The following CDIN1 variants were observed in gnomAD, a reference collection of about 807,000 sequenced individuals.
CDIN1 encodes CDAN1-interacting nuclease 1.
CDIN1 carries 33 observed loss-of-function variants against 45.3 expected under a neutral mutation model. That is an observed-to-expected ratio of 0.73 (90% CI 0.55 to 0.97). The LOEUF (loss-of-function observed/expected upper bound fraction) is 0.97. CDIN1 is among the 50% of genes least tolerant of loss of function. The probability of loss-of-function intolerance (pLI) is 0.00; values close to 1 mark genes in which losing one functional copy is unlikely to be tolerated. For missense variants in CDIN1, 303 were observed against 339.4 expected (o/e 0.89, Z 0.84); for synonymous variants, 118 against 124.4 (o/e 0.95, Z 0.34).
chr15:36,656,596 TG>T (rs2040792627), intron 4 of CDIN1, among the ~76,000 whole-genome samples: 2 of 152,112 alleles, frequency 1.3e-5, no homozygotes, highest in South Asian at 2.1e-4. Flanking sequence ...CAGAGAAAGA[TG>T]GACACATGAT....
At chr15:36,703,532 G>T (rs879276047) in intron 8 of CDIN1, among the ~76,000 whole-genome samples, 2 of 151,108 alleles carry the variant, frequency 1.3e-5, no homozygotes, top group African/African-American at 4.9e-5. Flanking sequence ...GTGAGAGTAG[G>T]GTAGCAATGC....
At chr15:36,755,941 A>C in intron 10 of CDIN1, 1 of 399,814 alleles carries the variant, frequency 2.5e-6, no homozygotes, top group South Asian at 1.9e-5. Flanking sequence ...GTGTTAAAAC[A>C]GGTTCATTCC....
intron 3 of CDIN1, among the ~76,000 whole-genome samples, chr15:36,649,288 C>T (rs1413400225): frequency 2.0e-5 from 3 of 152,156 alleles, no homozygotes; most frequent in African/African-American, 7.2e-5. Context: ...TACACAAAAA[C>T]AAATGAATGA....
At chr15:36,806,040 GA>G (rs2055216033) in intron 10 of CDIN1, among the ~76,000 whole-genome samples, 1 of 152,184 alleles carries the variant, frequency 6.6e-6, no homozygotes, top group Non-Finnish European at 1.5e-5. Flanking sequence ...AGTTCCATAA[GA>G]AACACAAAAC....
At chr15:36,613,686 C>A in intron 1 of CDIN1, 1 of 1,475,534 alleles carries the variant, frequency 6.8e-7, no homozygotes. Context: ...CGCCTGGCTA[C>A]TGCCCTGCAA....
At chr15:36,723,039 A>G (rs530435895) in intron 10 of CDIN1, among the ~76,000 whole-genome samples, 12 of 150,482 alleles carry the variant, frequency 8.0e-5, no homozygotes, top group African/African-American at 1.2e-4. Flanking sequence ...TGTGAATTCT[A>G]TTCTCTTAAT....
rs868814946 is a variant in CDIN1 at position 36,782,181 on chromosome 15, T to A, written c.717-26143T>A. 2.0e-5 allele frequency among the ~76,000 whole-genome samples: 3 copies of A among 152,154 alleles called. No individual in the cohort carries two copies. In the South Asian group the frequency reaches 6.2e-4, roughly 32 times the overall value. Reference sequence around the variant, plus strand: ...TATTGAAAAATTCCCCCAATAAAAGTAATTCTCATTTCTCATAATTTATAA... The same window carrying A: ...TATTGAAAAATTCCCCCAATAAAAGAAATTCTCATTTCTCATAATTTATAA... On this transcript the variant is annotated intron_variant, in intron 10 of 10. Coordinates refer to ENST00000566621, the MANE Select transcript of CDIN1 (RefSeq NM_001321759.2).
intron 1 of CDIN1, among the ~76,000 whole-genome samples, chr15:36,595,087 TAAG>T (rs1396071585): frequency 6.6e-6 from 1 of 151,908 alleles, no homozygotes; most frequent in Non-Finnish European, 1.5e-5. Flanking sequence ...AATGTTCTTT[TAAG>T]AAGATTTTTT....
chr15:36,781,163 A>C (rs112859123), intron 10 of CDIN1, among the ~76,000 whole-genome samples: 1 of 152,226 alleles, frequency 6.6e-6, no homozygotes, highest in Admixed American at 6.5e-5. Context: ...TAATGAATGC[A>C]TGTGTTACAT....
intron 1 of CDIN1, among the ~76,000 whole-genome samples, chr15:36,622,375 G>A (rs541811767): frequency 3.3e-5 from 5 of 152,224 alleles, no homozygotes; most frequent in East Asian, 1.9e-4. Flanking sequence ...ACCCAAGCAG[G>A]TGTCTCATTG....
intron 10 of CDIN1, among the ~76,000 whole-genome samples, chr15:36,741,217 A>G (rs554639731): frequency 6.6e-6 from 1 of 152,324 alleles, no homozygotes; most frequent in East Asian, 1.9e-4. Context: ...ACCCTGATGC[A>G]TGACCTCTAC....
intron 5 of CDIN1, among the ~76,000 whole-genome samples, chr15:36,688,988 G>A (rs997762780): frequency 5.3e-5 from 8 of 152,184 alleles, no homozygotes; most frequent in African/African-American, 1.9e-4. Flanking sequence ...TGCAAGAAGA[G>A]AAAAGACATT....
chr15:36,726,825 A>AT (rs148829869), intron 10 of CDIN1, among the ~76,000 whole-genome samples: 82 of 151,588 alleles, frequency 5.4e-4, no homozygotes, highest in African/African-American at 8.7e-4. Flanking sequence ...AGTATAAGGC[A>AT]TTTTTTTTTC....
At chr15:36,755,697 A>AT (rs1306173913) in intron 10 of CDIN1, among the ~76,000 whole-genome samples, 1 of 151,478 alleles carries the variant, frequency 6.6e-6, no homozygotes, top group Non-Finnish European at 1.5e-5. Context: ...AAAAAAAAAA[A>AT]AAATCTTGAG....
intron 10 of CDIN1, among the ~76,000 whole-genome samples, chr15:36,730,977 C>T (rs2043813352): frequency 6.6e-6 from 1 of 152,078 alleles, no homozygotes; most frequent in Non-Finnish European, 1.5e-5. Context: ...CAACCCCTTA[C>T]ATTAATGGAG....
intron 10 of CDIN1, among the ~76,000 whole-genome samples, chr15:36,801,739 T>A (rs560639005): frequency 6.6e-6 from 1 of 152,334 alleles, no homozygotes; most frequent in South Asian, 2.1e-4. Flanking sequence ...ATTCTGTAAT[T>A]CTCATTCCCT....
chr15:36,770,042 T>C (rs1327627672), intron 10 of CDIN1, among the ~76,000 whole-genome samples: 1 of 152,132 alleles, frequency 6.6e-6, no homozygotes, highest in Non-Finnish European at 1.5e-5. Flanking sequence ...TTTCTCCCCT[T>C]TCAGCCTTGT....
At chr15:36,757,753 T>G (rs374417165) in intron 10 of CDIN1, among the ~76,000 whole-genome samples, 1 of 152,038 alleles carries the variant, frequency 6.6e-6, no homozygotes, top group Non-Finnish European at 1.5e-5. Flanking sequence ...CAGATGATCC[T>G]CCTCCTGACC....
chr15:36,757,952 G>C (rs2053652796), intron 10 of CDIN1, among the ~76,000 whole-genome samples: 1 of 152,014 alleles, frequency 6.6e-6, no homozygotes. Context: ...ATAGTATATT[G>C]TCATAATGGT....
Sources: gnomAD v4.1 joint callset for allele counts (sites outside exome capture counted in the v4.1 genomes callset) on GRCh38, gnomAD v4.1.1 for gene constraint, MANE v1.5 for transcripts, NCBI Gene and HGNC (gene_info 2026-07-23, HGNC 2026-07-21) for gene names.